ATP7A: variants seen among roughly 807,000 people sequenced by gnomAD.
ATP7A encodes the protein copper-transporting ATPase 1.
ATP7A carries 7 observed loss-of-function variants against 83.5 expected under a neutral mutation model. The observed-to-expected ratio is 0.08, with a 90% CI of 0.05 to 0.16. ATP7A has a LOEUF of 0.16. Ranked by LOEUF, ATP7A falls within the 10% of genes least tolerant of loss-of-function variation. ATP7A has a pLI of 1.00. For synonymous variants in ATP7A, 354 were observed against 395.2 expected (o/e 0.90, Z 1.24); for missense variants, 940 against 1,120.8 (o/e 0.84, Z 2.30).
chrX:77,951,719 A>G lies in ATP7A; in HGVS notation c.-21-19902A>G, dbSNP rs782326928. 7.2e-5 allele frequency among the ~76,000 whole-genome samples: 8 copies of G among 110,624 alleles called. No individual in the cohort carries two copies. The South Asian group carries it at 3.1e-3, about 43-fold the overall frequency. On this transcript the variant is annotated intron_variant, in intron 1 of 22. Transcript: ENST00000341514. ...CTCAGCCTTCCAAGTAGCTTGGACT[A>G]CAAGCATGCACCACCATGCCCAGCT...
chrX:77,920,468 C>T (rs1342680471), intron 1 of ATP7A, among the ~76,000 whole-genome samples: 4 of 110,596 alleles, frequency 3.6e-5, no homozygotes, highest in Non-Finnish European at 7.6e-5. Flanking sequence ...CCGCCCACCT[C>T]GGCCTCCCAA....
chrX:77,945,601 T>C (rs2077375163), intron 1 of ATP7A, among the ~76,000 whole-genome samples: 1 of 112,489 alleles, frequency 8.9e-6, no homozygotes, highest in African/African-American at 3.2e-5. Flanking sequence ...CCAGAGTCCC[T>C]GTAGACACAT....
intron 1 of ATP7A, among the ~76,000 whole-genome samples, chrX:77,931,350 G>T (rs1288673189): frequency 4.5e-5 from 5 of 111,406 alleles, no homozygotes; most frequent in Admixed American, 2.8e-4. Flanking sequence ...CGATGAGCAG[G>T]ATCCCAAGGC....
chrX:77,982,754 T>A (rs1423855236), intron 2 of ATP7A, among the ~76,000 whole-genome samples: 1 of 112,296 alleles, frequency 8.9e-6, no homozygotes, highest in Non-Finnish European at 1.9e-5. Context: ...TGCATTTGAA[T>A]CCTAGCTCTT....
At chrX:77,914,688 G>A (rs1676195069) in intron 1 of ATP7A, among the ~76,000 whole-genome samples, 1 of 111,389 alleles carries the variant, frequency 9.0e-6, no homozygotes, top group Non-Finnish European at 1.9e-5. Flanking sequence ...ACAGGCATGA[G>A]CCACTGTGCC....
Position 77,998,462 on chromosome X carries a change from T to A in ATP7A, c.1337-16T>A, listed in dbSNP as rs1199992144. On this transcript the variant is annotated splice_polypyrimidine_tract_variant and intron_variant, in intron 4 of 22. Coordinates refer to ENST00000341514, the MANE Select transcript of ATP7A (RefSeq NM_000052.7). ...ATCAATACTGCAAATGAAAAGAATC[T>A]TTCCCTTTCTACCAGACACGAATGA... The A allele has an allele frequency of 1.4e-5, 17 of 1,205,138 alleles. No individual in the cohort carries two copies. Among genetic ancestry groups the A allele is most frequent in the Non-Finnish European group, 1.9e-5 (17 of 890,646 alleles).
At chrX:78,028,862 G>T (rs1011207184) in intron 14 of ATP7A, among the ~76,000 whole-genome samples, 64 of 112,328 alleles carry the variant, frequency 5.7e-4, no homozygotes, top group African/African-American at 2.1e-3. Flanking sequence ...CTTTTTCATT[G>T]TCTTTCAAGA....
Position 78,046,423 on chromosome X carries a change from G to C in ATP7A, c.4356G>C (p.Leu1452Phe), listed in dbSNP as rs782364202. 34 of 1,209,708 alleles carry C rather than the reference G, an allele frequency of 2.8e-5. No homozygotes were observed. The highest frequency in any genetic ancestry group is 3.1e-5 in the Non-Finnish European group (28 of 895,177). The change falls in exon 23 of 23, where the codon TTG becomes TTC. Residue 1452 changes from leucine to phenylalanine, a missense_variant. Transcript: ENST00000341514. ...DTSRNSPKLG[L>F]LDRIVNYSRA... ...CAAGGAATTCTCCTAAACTGGGTTT[G>C]CTGGACCGGATTGTTAATTATAGCA...
chrX:77,998,046 A>T (rs1215686404), intron 4 of ATP7A, among the ~76,000 whole-genome samples: 1 of 105,605 alleles, frequency 9.5e-6, no homozygotes, highest in Non-Finnish European at 2.0e-5. Flanking sequence ...CACTAAAATT[A>T]AAAAAAAAAA....
chrX:77,972,501 G>A (rs782742716), intron 2 of ATP7A, among the ~76,000 whole-genome samples: 23 of 111,302 alleles, frequency 2.1e-4, no homozygotes, highest in African/African-American at 6.5e-4. Context: ...ACAGGCATGC[G>A]CCATCACTCC....
At chrX:77,926,590 C>A (rs1002747133) in intron 1 of ATP7A, among the ~76,000 whole-genome samples, 3 of 112,220 alleles carry the variant, frequency 2.7e-5, no homozygotes, top group Non-Finnish European at 3.8e-5. Context: ...CTTGGCCTCC[C>A]AAAGTGCTGG....
intron 2 of ATP7A, among the ~76,000 whole-genome samples, chrX:77,987,930 T>C (rs1298794724): frequency 2.7e-5 from 3 of 111,542 alleles, no homozygotes. Flanking sequence ...GAGTAATTTA[T>C]GAAAGGAATG....
chrX:77,971,046 C>T (rs1379462629), intron 1 of ATP7A, among the ~76,000 whole-genome samples: 2 of 111,808 alleles, frequency 1.8e-5, no homozygotes, highest in Non-Finnish European at 3.8e-5. Flanking sequence ...GTTAGCCAAG[C>T]AGTTATCTGG....
At chrX:78,032,704 G>A (rs2077990292) in intron 16 of ATP7A, among the ~76,000 whole-genome samples, 1 of 110,804 alleles carries the variant, frequency 9.0e-6, no homozygotes, top group Non-Finnish European at 1.9e-5. Flanking sequence ...TTTATGAATT[G>A]TCTCACATTA....
intron 1 of ATP7A, among the ~76,000 whole-genome samples, chrX:77,962,193 G>T (rs145610582): frequency 9.0e-6 from 1 of 111,640 alleles, no homozygotes; most frequent in African/African-American, 3.3e-5. Context: ...GGATTCTGCC[G>T]TCCCAGTGAG....
At chrX:77,926,492 G>A (rs1183628812) in intron 1 of ATP7A, among the ~76,000 whole-genome samples, 1 of 108,831 alleles carries the variant, frequency 9.2e-6, no homozygotes, top group Non-Finnish European at 1.9e-5. Context: ...CACCACACCC[G>A]GCTAATTTTT....
rs149935575 is a variant in ATP7A at position 78,045,627 on chromosome X, C to G, written c.4226+55C>G. 2.3e-4 allele frequency: 230 copies of G among 1,015,385 alleles called. No homozygotes were observed. The African/African-American group carries it at 4.1e-3, about 18-fold the overall frequency. The allele number at this position is 1,015,385 out of a possible 1,213,427, so 83.7% of individuals were successfully genotyped here. On this transcript the variant is annotated intron_variant, in intron 22 of 22. Coordinates refer to ENST00000341514, the MANE Select transcript of ATP7A (RefSeq NM_000052.7). Reference sequence around the variant, plus strand: ...TTTTGTATTCCTGTTATCATCTAGTCATTCTTGGTAGGTTTTATTCTTGTA... The same window carrying G: ...TTTTGTATTCCTGTTATCATCTAGTGATTCTTGGTAGGTTTTATTCTTGTA...
chrX:78,027,109 C>T (rs2077950315), intron 14 of ATP7A, among the ~76,000 whole-genome samples: 1 of 106,375 alleles, frequency 9.4e-6, no homozygotes, highest in South Asian at 4.3e-4. Flanking sequence ...TAGATCACGC[C>T]ATTGAACTGC....
chrX:77,992,526 G>A (rs2077675732), intron 4 of ATP7A, among the ~76,000 whole-genome samples: 1 of 111,717 alleles, frequency 9.0e-6, no homozygotes, highest in Non-Finnish European at 1.9e-5. Flanking sequence ...AAAAATTTAA[G>A]TTGGAAATAA....
Sources: gnomAD v4.1 joint callset for allele counts (sites outside exome capture counted in the v4.1 genomes callset) on GRCh38, gnomAD v4.1.1 for gene constraint, MANE v1.5 for transcripts, NCBI Gene and HGNC (gene_info 2026-07-23, HGNC 2026-07-21) for gene names.